The following CLVS1 variants were observed in gnomAD, a reference collection of about 807,000 sequenced individuals.
The protein encoded by CLVS1 is clavesin-1.
CLVS1 carries 10 observed loss-of-function variants against 33.1 expected under a neutral mutation model. The observed-to-expected ratio is 0.30, with a 90% confidence interval of 0.19 to 0.51. The LOEUF (loss-of-function observed/expected upper bound fraction) is 0.51. Among genes scored for constraint, CLVS1 ranks in the 20% least tolerant of loss-of-function variants. The probability of loss-of-function intolerance (pLI) is 0.97; values close to 1 mark genes in which losing one functional copy is unlikely to be tolerated. For synonymous variants in CLVS1, 163 were observed against 166.1 expected, an observed-to-expected ratio of 0.98 and a Z score of 0.14; for missense variants, 343 against 433.4, an observed-to-expected ratio of 0.79 and a Z score of 1.85.
the CLVS1 span, among the ~76,000 whole-genome samples, chr8:60,981,427 C>T: frequency 6.6e-6 from 1 of 152,196 alleles, no homozygotes; most frequent in Non-Finnish European, 1.5e-5. Context: ...CAGCATGTTT[C>T]AAAACAGGCT....
At chr8:60,992,271 C>A in the CLVS1 span, among the ~76,000 whole-genome samples, 1 of 152,172 alleles carries the variant, frequency 6.6e-6, no homozygotes, top group Non-Finnish European at 1.5e-5. Flanking sequence ...AGTTATGTCT[C>A]GTTTTTTTTC....
chr8:61,190,804 C>G (rs1407856818), intron 2 of CLVS1, among the ~76,000 whole-genome samples: 1 of 152,204 alleles, frequency 6.6e-6, no homozygotes, highest in East Asian at 1.9e-4. Context: ...GACACATACA[C>G]TCTCCCAAGA....
At chr8:61,087,850 A>G (rs1805154380) in intron 1 of CLVS1, among the ~76,000 whole-genome samples, 3 of 152,204 alleles carry the variant, frequency 2.0e-5, no homozygotes, top group Admixed American at 2.0e-4. Context: ...AAATTATTTA[A>G]TAAACCCCAT....
chr8:61,455,639 T>C (rs889680503), intron 4 of CLVS1, among the ~76,000 whole-genome samples: 1 of 152,236 alleles, frequency 6.6e-6, no homozygotes, highest in Non-Finnish European at 1.5e-5. Flanking sequence ...TTATGAATAA[T>C]GCTACAGTCT....
At chr8:61,076,579 T>A (rs998998001) in intron 1 of CLVS1, among the ~76,000 whole-genome samples, 4 of 152,266 alleles carry the variant, frequency 2.6e-5, no homozygotes, top group Non-Finnish European at 4.4e-5. Flanking sequence ...ATAATTGTCC[T>A]ATCTGCATGA....
chr8:61,417,508 T>A (rs1018415049), intron 3 of CLVS1, among the ~76,000 whole-genome samples: 1 of 152,168 alleles, frequency 6.6e-6, no homozygotes, highest in African/African-American at 2.4e-5. Context: ...CAACTACAGG[T>A]GCACTGAATT....
At chr8:61,378,705 G>A (rs964054257) in intron 3 of CLVS1, among the ~76,000 whole-genome samples, 2 of 152,174 alleles carry the variant, frequency 1.3e-5, no homozygotes, top group Admixed American at 6.5e-5. Flanking sequence ...AGCACTCAGG[G>A]CTACTGAAGA....
At chr8:61,254,158 C>T (rs540769773) in intron 2 of CLVS1, among the ~76,000 whole-genome samples, 1 of 151,648 alleles carries the variant, frequency 6.6e-6, no homozygotes, top group Admixed American at 6.6e-5. Context: ...CTCAGCTGCA[C>T]ATCTGTTGGA....
the CLVS1 span, among the ~76,000 whole-genome samples, chr8:61,046,950 C>G: frequency 6.6e-6 from 1 of 152,186 alleles, no homozygotes; most frequent in Non-Finnish European, 1.5e-5. Flanking sequence ...GGCAATTTGA[C>G]TTCCTCTTTT....
intron 1 of CLVS1, among the ~76,000 whole-genome samples, chr8:61,108,414 TG>T (rs1805575196): frequency 6.6e-6 from 1 of 152,222 alleles, no homozygotes; most frequent in African/African-American, 2.4e-5. Flanking sequence ...TTTGCAATTC[TG>T]GTATCCAAAA....
rs189349629 is a variant in CLVS1, at chr8:61,197,113, C to T, written c.-152+65253C>T. 2.9e-3 allele frequency among the ~76,000 whole-genome samples: 438 copies of T among 152,270 alleles called. 1 individual carries two copies. Among genetic ancestry groups the T allele is most frequent in the Non-Finnish European group, 4.5e-3 (305 of 68,002 alleles). On this transcript the variant is annotated intron_variant, in intron 2 of 2. Transcript: ENST00000522621. ...CGTTGTATAATGCATTGAGTTCTCT[C>T]CTATGCATCAAGAATGGTATTAGCA...
chr8:61,129,350 A>G lies in CLVS1; in HGVS notation c.-242-2420A>G, dbSNP rs145434144. Among the ~76,000 whole-genome samples the G allele has an allele frequency of 6.1e-3, 922 of 152,356 alleles. 12 individuals carry two copies. Among genetic ancestry groups the G allele is most frequent in the Admixed American group, 0.023 (356 of 15,304 alleles). On this transcript the variant is annotated intron_variant, in intron 1 of 2. Transcript: ENST00000522621. ...TGATTTGGGCACCTGCTGTGCAGCT[A>G]TGAAGTAGAGCTCCTGGTTCTCTGT...
chr8:61,202,785 C>G, intron 2 of CLVS1: 1 of 1,485,880 alleles, frequency 6.7e-7, no homozygotes. Flanking sequence ...GATCTGCCCT[C>G]GGAGGTAGTA....
intron 2 of CLVS1, among the ~76,000 whole-genome samples, chr8:61,272,979 C>G (rs1809478282): frequency 6.6e-6 from 1 of 150,702 alleles, no homozygotes; most frequent in South Asian, 2.1e-4. Flanking sequence ...CGTCTGAAGC[C>G]TTCTTCTCTC....
chr8:61,342,428 T>C (rs1032894265), intron 2 of CLVS1, among the ~76,000 whole-genome samples: 1 of 152,234 alleles, frequency 6.6e-6, no homozygotes, highest in African/African-American at 2.4e-5. Context: ...ATATCCGCTC[T>C]ACACAGAGCT....
At chr8:61,369,280 A>C (rs773513163) in intron 2 of CLVS1, among the ~76,000 whole-genome samples, 2 of 152,202 alleles carry the variant, frequency 1.3e-5, no homozygotes, top group African/African-American at 2.4e-5. Flanking sequence ...TTTCATTAGC[A>C]CACTTCTTGA....
chr8:61,098,114 C>T (rs975574868), intron 1 of CLVS1, among the ~76,000 whole-genome samples: 1 of 152,034 alleles, frequency 6.6e-6, no homozygotes, highest in Non-Finnish European at 1.5e-5. Context: ...GAGCTGTGAT[C>T]GCACCACTGC....
intron 1 of CLVS1, chr8:61,292,487 C>T (rs1181699182): frequency 2.3e-6 from 1 of 430,214 alleles, no homozygotes; most frequent in Non-Finnish European, 4.7e-6. Context: ...CCTTTAGGTC[C>T]TCTTCCTTAA....
At chr8:61,248,537 T>C (rs1263243922) in intron 2 of CLVS1, among the ~76,000 whole-genome samples, 1 of 152,064 alleles carries the variant, frequency 6.6e-6, no homozygotes, top group East Asian at 1.9e-4. Flanking sequence ...GTTTTTTTTG[T>C]GTGTGTGTGG....
Sources: allele counts gnomAD v4.1 joint callset (sites outside exome capture counted in the v4.1 genomes callset), GRCh38; gene constraint gnomAD v4.1.1; transcripts MANE v1.5; gene names NCBI Gene and HGNC (gene_info 2026-07-23, HGNC 2026-07-21).